Variants in BBOF1 observed in about 807,000 individuals in gnomAD.
The protein encoded by BBOF1 is basal body-orientation factor 1.
Under a neutral mutation model 68.0 loss-of-function variants are expected in BBOF1, and 62 were observed. The observed-to-expected ratio is 0.91, with a 90% CI of 0.74 to 1.13. BBOF1 has a LOEUF of 1.13. Among genes scored for constraint, BBOF1 ranks in the 50% most tolerant of loss-of-function variants. The pLI is 0.00. For missense variants in BBOF1, 534 were observed against 600.1 expected (o/e 0.89, Z 1.15); for synonymous variants, 208 against 198.8 (o/e 1.05, Z -0.39).
chr14:74,077,143 C>G (rs1165530166), intron 9 of BBOF1, among the ~76,000 whole-genome samples: 4 of 152,076 alleles, frequency 2.6e-5, no homozygotes, highest in African/African-American at 9.7e-5. Context: ...TCCTGGAGCC[C>G]ATCATGTCTT....
At chr14:74,067,769 C>T (rs1469079130), downstream of BBOF1, among the ~76,000 whole-genome samples, 1 of 151,498 alleles carries the variant, frequency 6.6e-6, no homozygotes, top group Non-Finnish European at 1.5e-5. Context: ...ACAAAAAATA[C>T]AAAAAATTAG....
rs1299458004 is a variant in BBOF1 at position 74,057,209 on chromosome 14, G to T, written c.1529G>T (p.Gly510Val). ...TQQIAISDSSGEVVLPTIPKE... is the reference protein window; with the variant it reads ...TQQIAISDSSVEVVLPTIPKE... Reference sequence around the variant, plus strand: ...CAAATTGCAATATCAGACTCTTCTGGTGAAGTGGTGCTACCCACTATTCCA... The same window carrying T: ...CAAATTGCAATATCAGACTCTTCTGTTGAAGTGGTGCTACCCACTATTCCA... Residue 510 changes from glycine (G) to valine (V), a missense_variant, in exon 11 of 12, where the codon GGT becomes GTT. By Grantham distance (109) the Gly-to-Val change is moderately radical (BLOSUM62 -3). Coordinates refer to ENST00000394009, the MANE Select transcript of BBOF1 (RefSeq NM_025057.3). The T allele has an allele frequency of 6.2e-7, 1 of 1,613,946 alleles. No individual in the cohort carries two copies. The highest frequency in any genetic ancestry group is 8.5e-7 in the Non-Finnish European group (1 of 1,179,986).
chr14:74,042,576 TC>T (rs2059846206), intron 5 of BBOF1, among the ~76,000 whole-genome samples: 1 of 152,090 alleles, frequency 6.6e-6, no homozygotes, highest in Admixed American at 6.6e-5. Context: ...GCTGTGTCTG[TC>T]CCTTTTATCT....
At chr14:74,056,246 G>A (rs2060201041) in intron 9 of BBOF1, among the ~76,000 whole-genome samples, 1 of 145,142 alleles carries the variant, frequency 6.9e-6, no homozygotes, top group Admixed American at 7.1e-5. Context: ...TGTTGCCCAG[G>A]CTGGAGTGCA....
chr14:74,081,576 A>C (rs1386687014), intron 12 of BBOF1, among the ~76,000 whole-genome samples: 1 of 152,156 alleles, frequency 6.6e-6, no homozygotes, highest in Admixed American at 6.5e-5. Flanking sequence ...TGAAGAAACT[A>C]TCCTGTGGCC....
intron 9 of BBOF1, among the ~76,000 whole-genome samples, chr14:74,073,240 A>G (rs2060574125): frequency 6.6e-6 from 1 of 152,054 alleles, no homozygotes. Flanking sequence ...AGCAGCTGGG[A>G]CTACAGGCAC....
At position 74,049,931 on chromosome 14, in the gene BBOF1, A is replaced by G; in HGVS notation, c.1022A>G (p.Glu341Gly). The G allele has an allele frequency of 6.2e-7, 1 of 1,614,184 alleles. No homozygotes were observed. The highest frequency in any genetic ancestry group is 8.5e-7 in the Non-Finnish European group (1 of 1,180,042). Residue 341 changes from glutamate to glycine, a missense_variant, in exon 8 of 12, where the codon GAA becomes GGA. By Grantham distance (98) the Glu-to-Gly change is moderately conservative. Transcript: ENST00000394009. ...CACCTTCTTCAGATGAAGGACAGGGAAATGAATCGTGTGAAGAAGCTGGCC... is the reference window on the plus strand; with the variant it reads ...CACCTTCTTCAGATGAAGGACAGGGGAATGAATCGTGTGAAGAAGCTGGCC... ...LQHLLQMKDR[E>G]MNRVKKLAKN...
At chr14:74,072,444 G>A in intron 9 of BBOF1, 2 of 1,613,362 alleles carry the variant, frequency 1.2e-6, no homozygotes, top group South Asian at 2.2e-5. Flanking sequence ...GTGGCACTAT[G>A]TGCTTTACAA....
chr14:74,066,940 C>T, downstream of BBOF1: 2 of 1,535,826 alleles, frequency 1.3e-6, no homozygotes, highest in African/African-American at 1.4e-5. Flanking sequence ...ATTATGACTG[C>T]TGCCAGGGCT....
At chr14:74,071,816 GC>G in intron 9 of BBOF1, 1 of 1,533,510 alleles carries the variant, frequency 6.5e-7, no homozygotes, top group Non-Finnish European at 9.0e-7. Context: ...AAAGGAAGAA[GC>G]AACCTCCCAT....
Position 74,072,289 on chromosome 14 carries a change from G to A in BBOF1, n.1380-5907G>A, listed in dbSNP as rs374367200. On this transcript the variant is annotated intron_variant and non_coding_transcript_variant, in intron 9 of 12. Transcript: ENST00000492026. ...GTGTCTGCCCATGCAGGAAAAGCACGTTTGCAGGAAGCAATGGCTGCATCC... is the reference window on the plus strand; with the variant it reads ...GTGTCTGCCCATGCAGGAAAAGCACATTTGCAGGAAGCAATGGCTGCATCC... The A allele has an allele frequency of 7.9e-5, 128 of 1,614,116 alleles. No homozygotes were observed. The highest frequency in any genetic ancestry group is 1.6e-4 in the Middle Eastern group (1 of 6,084).
At chr14:74,026,690 C>T (rs2140961906) in intron 2 of BBOF1, among the ~76,000 whole-genome samples, 1 of 152,002 alleles carries the variant, frequency 6.6e-6, no homozygotes, top group East Asian at 1.9e-4. Context: ...TTTGGGAGGC[C>T]GAGGTGGGCA....
intron 2 of BBOF1, among the ~76,000 whole-genome samples, chr14:74,026,385 T>A (rs945934624): frequency 7.9e-6 from 1 of 127,354 alleles, no homozygotes; most frequent in Non-Finnish European, 1.5e-5. Flanking sequence ...GAGGTTGCAG[T>A]GAGCCAAGAT....
intron 10 of BBOF1, among the ~76,000 whole-genome samples, chr14:74,080,681 G>A (rs1276978203): frequency 2.6e-5 from 4 of 152,060 alleles, no homozygotes; most frequent in African/African-American, 4.8e-5. Context: ...AGCCTCAAGC[G>A]ATCCTCCTGC....
intron 2 of BBOF1, 21 bp from the exon 3 acceptor site, chr14:74,029,163 C>T (rs1201401681): frequency 6.7e-7 from 1 of 1,487,432 alleles, no homozygotes; most frequent in South Asian, 1.2e-5. Flanking sequence ...CTTCATGACC[C>T]TGTATTTTGA....
intron 8 of BBOF1, 138 bp downstream of exon 8, chr14:74,050,333 G>A (rs1328014175): frequency 1.0e-6 from 1 of 952,920 alleles, no homozygotes; most frequent in Non-Finnish European, 1.5e-6. Flanking sequence ...GACAGGAACT[G>A]ACTTATTCAT....
intron 5 of BBOF1, among the ~76,000 whole-genome samples, chr14:74,041,200 G>A (rs1349465286): frequency 2.0e-5 from 3 of 152,130 alleles, no homozygotes; most frequent in Admixed American, 1.3e-4. Context: ...CTACTCAGGA[G>A]GCTGAGGCAG....
At chr14:74,073,737 G>A (rs2060579330) in intron 9 of BBOF1, among the ~76,000 whole-genome samples, 2 of 151,776 alleles carry the variant, frequency 1.3e-5, no homozygotes, top group South Asian at 4.2e-4. Context: ...GGACAACATG[G>A]TGAAACCTTG....
downstream of BBOF1, among the ~76,000 whole-genome samples, chr14:74,067,811 G>T (rs2060491761): frequency 6.6e-6 from 1 of 152,050 alleles, no homozygotes; most frequent in African/African-American, 2.4e-5. Context: ...TGTGGTCCCA[G>T]CTACTTGGGA....
Sources: gnomAD v4.1 joint callset for allele counts (sites outside exome capture counted in the v4.1 genomes callset) on GRCh38, gnomAD v4.1.1 for gene constraint, MANE v1.5 for transcripts, NCBI Gene and HGNC (gene_info 2026-07-23, HGNC 2026-07-21) for gene names.